Variants in CAV1 observed in about 807,000 individuals in gnomAD.
CAV1 encodes caveolin 1, also known as caveolin-1.
In CAV1, 10 loss-of-function variants were observed where a neutral mutation model predicts 16.5. The observed-to-expected ratio is 0.61, with a 90% CI of 0.37 to 1.03. The LOEUF (loss-of-function observed/expected upper bound fraction) is 1.03. Among genes scored for constraint, CAV1 ranks in the 50% least tolerant of loss-of-function variants. The pLI, the probability that CAV1 is intolerant of heterozygous loss-of-function variation, is 0.01. For missense variants in CAV1, 212 were observed against 232.8 expected (o/e 0.91, Z 0.58); for synonymous variants, 76 against 85.1 (o/e 0.89, Z 0.59).
At chr7:116,526,503 G>GTCCGCCC in intron 1 of CAV1, 22 bp from the exon 2 acceptor site, 1 of 1,613,484 alleles carries the variant, frequency 6.2e-7, no homozygotes, top group Non-Finnish European at 8.5e-7. Flanking sequence ...CGTCCTGGCC[G>GTCCGCCC]TCCGCCCTCC....
Position 116,528,976 on chromosome 7 carries a change from C to T in CAV1, c.195+2287C>T, listed in dbSNP as rs1041813372. 2.0e-5 allele frequency among the ~76,000 whole-genome samples: 3 copies of T among 152,106 alleles called. No homozygotes were observed. In the South Asian group the frequency reaches 6.2e-4, roughly 31 times the overall value. ...TCCTGAGTAGCTGGGACTACAAGTG[C>T]ACGCCACCATGCCGGGTTAATATTT... On this transcript the variant is annotated intron_variant, in intron 2 of 2. Coordinates refer to ENST00000341049, the MANE Select transcript of CAV1 (RefSeq NM_001753.5).
chr7:116,550,783 G>A (rs1006528251), intron 2 of CAV1, among the ~76,000 whole-genome samples: 10 of 152,084 alleles, frequency 6.6e-5, no homozygotes, highest in African/African-American at 1.4e-4. Flanking sequence ...TAAAAAAAGC[G>A]TTTACATAGG....
At chr7:116,556,172 A>G (rs746696354) in intron 2 of CAV1, among the ~76,000 whole-genome samples, 1 of 152,190 alleles carries the variant, frequency 6.6e-6, no homozygotes, top group East Asian at 1.9e-4. Context: ...AGAATCTCCT[A>G]TGTATTCATT....
At chr7:116,549,434 C>A (rs1256891696) in intron 2 of CAV1, among the ~76,000 whole-genome samples, 2 of 152,278 alleles carry the variant, frequency 1.3e-5, no homozygotes, top group East Asian at 3.9e-4. Flanking sequence ...AGTGGGCTTT[C>A]CATGCTGTCC....
At chr7:116,552,583 T>C (rs139919440) in intron 2 of CAV1, among the ~76,000 whole-genome samples, 1 of 152,326 alleles carries the variant, frequency 6.6e-6, no homozygotes, top group East Asian at 1.9e-4. Flanking sequence ...AGCTTGATAA[T>C]GGCAAAAGCA....
At chr7:116,546,536 A>T (rs998947679) in intron 2 of CAV1, among the ~76,000 whole-genome samples, 1 of 151,454 alleles carries the variant, frequency 6.6e-6, no homozygotes, top group Non-Finnish European at 1.5e-5. Context: ...CTAAAAATAA[A>T]AAAAAAAAAA....
intron 2 of CAV1, among the ~76,000 whole-genome samples, chr7:116,534,382 TATATA>T (rs1316320964): frequency 9.0e-4 from 11 of 12,238 alleles, no homozygotes; most frequent in East Asian, 0.015. Flanking sequence ...TATATATATA[TATATA>T]TATATATATT....
chr7:116,526,243 G>T, intron 1 of CAV1: 1 of 1,107,894 alleles, frequency 9.0e-7, no homozygotes. Flanking sequence ...CCGCGCGGCG[G>T]GGCCTGCCCT....
intron 2 of CAV1, among the ~76,000 whole-genome samples, chr7:116,555,485 A>AGGAAGGAAGGAAGG (rs1438424267): frequency 1.3e-4 from 1 of 7,902 alleles, no homozygotes; most frequent in Non-Finnish European, 2.3e-4. Flanking sequence ...GGAGGAAAGA[A>AGGAAGGAAGGAAGG]AAGAAAGAAA....
intron 2 of CAV1, among the ~76,000 whole-genome samples, chr7:116,549,272 G>A (rs1189277185): frequency 1.3e-5 from 2 of 152,140 alleles, no homozygotes; most frequent in Non-Finnish European, 2.9e-5. Context: ...ATTCCAGTGC[G>A]TGTCCACCAC....
chr7:116,537,116 C>T (rs1167468788), intron 2 of CAV1, among the ~76,000 whole-genome samples: 1 of 151,856 alleles, frequency 6.6e-6, no homozygotes, highest in African/African-American at 2.4e-5. Context: ...CAACCATTTC[C>T]TCTTAATCCT....
chr7:116,526,807 C>A (rs1793573782), intron 2 of CAV1, 118 bp downstream of exon 2: 1 of 1,033,752 alleles, frequency 9.7e-7, no homozygotes, highest in Non-Finnish European at 1.4e-6. Flanking sequence ...TACACGCGCA[C>A]ACACACACAC....
rs1029211305 is a variant in CAV1 at position 116,560,136 on chromosome 7, G to A, written c.*849G>A. On this transcript the variant is annotated 3_prime_UTR_variant, in exon 3 of 3. Coordinates refer to ENST00000341049, the MANE Select transcript of CAV1 (RefSeq NM_001753.5). The stretch of plus-strand genomic sequence containing the variant: ...ATCTGGCAACATCTTTATCCGTAGT[G>A]GGTATGGTTGACACTAGCCCAATGA... 1 of 295,194 alleles carries A rather than the reference G, an allele frequency of 3.4e-6. No individual in the cohort carries two copies. The highest frequency in any genetic ancestry group is 5.4e-5 in the East Asian group (1 of 18,638). 18.3% of individuals were successfully genotyped at this position (295,194 alleles called of 1,614,324 possible). A position where few individuals can be genotyped will look rare whatever the true frequency, so the allele number is the denominator to read the frequency against.
intron 2 of CAV1, among the ~76,000 whole-genome samples, chr7:116,553,236 A>G (rs1455704237): frequency 6.6e-6 from 1 of 152,240 alleles, no homozygotes; most frequent in Non-Finnish European, 1.5e-5. Flanking sequence ...CTTCAGATAC[A>G]TTGAACAGAA....
At chr7:116,549,610 T>G (rs1403878185) in intron 2 of CAV1, among the ~76,000 whole-genome samples, 1 of 152,064 alleles carries the variant, frequency 6.6e-6, no homozygotes. Flanking sequence ...AATAAAATAA[T>G]GGGATAAAAG....
intron 2 of CAV1, among the ~76,000 whole-genome samples, chr7:116,531,292 T>C (rs1793682020): frequency 6.6e-6 from 1 of 152,244 alleles, no homozygotes; most frequent in Non-Finnish European, 1.5e-5. Context: ...CAAATCAGGA[T>C]ATCTGAAAGG....
intron 2 of CAV1, among the ~76,000 whole-genome samples, chr7:116,528,467 C>A (rs1474475592): frequency 6.6e-6 from 1 of 151,944 alleles, no homozygotes; most frequent in Non-Finnish European, 1.5e-5. Context: ...GAAACCAAAC[C>A]CTGACTACTT....
intron 2 of CAV1, among the ~76,000 whole-genome samples, chr7:116,527,890 T>G (rs1260496814): frequency 6.6e-6 from 1 of 152,164 alleles, no homozygotes; most frequent in Non-Finnish European, 1.5e-5. Context: ...CTGTCAGAAT[T>G]GACTCCCTTG....
chr7:116,552,870 A>G (rs1377901900), intron 2 of CAV1, among the ~76,000 whole-genome samples: 1 of 152,216 alleles, frequency 6.6e-6, no homozygotes, highest in Non-Finnish European at 1.5e-5. Flanking sequence ...ACTGTGACTC[A>G]TCTCTGAAAT....
Sources: allele counts gnomAD v4.1 joint callset (sites outside exome capture counted in the v4.1 genomes callset), GRCh38; gene constraint gnomAD v4.1.1; transcripts MANE v1.5; gene names NCBI Gene and HGNC (gene_info 2026-07-23, HGNC 2026-07-21).